Variants in MMP28 observed in about 807,000 individuals in gnomAD.
MMP28 encodes matrix metalloproteinase-28.
In MMP28, 55 loss-of-function variants were observed where a neutral mutation model predicts 60.5. The observed-to-expected ratio is 0.91, with a 90% CI of 0.73 to 1.14. The LOEUF (loss-of-function observed/expected upper bound fraction) is 1.14. Among genes scored for constraint, MMP28 ranks in the 50% most tolerant of loss-of-function variants. The pLI is 0.00. For synonymous variants in MMP28, 318 were observed against 312.5 expected (o/e 1.02, Z -0.18); for missense variants, 686 against 738.3 (o/e 0.93, Z 0.82).
chr17:35,760,013 C>CAAGGCCCCAG, intron 2 of MMP28, among the ~76,000 whole-genome samples: 1 of 152,280 alleles, frequency 6.6e-6, no homozygotes, highest in East Asian at 1.9e-4. Flanking sequence ...CTTGTGACTA[C>CAAGGCCCCAG]GAGATTCCTG....
intron 1 of MMP28, among the ~76,000 whole-genome samples, chr17:35,791,291 C>G (rs1410250935): frequency 6.6e-6 from 1 of 151,866 alleles, no homozygotes; most frequent in African/African-American, 2.4e-5. Flanking sequence ...AATCCCAGCA[C>G]TTTGGAAGGC....
chr17:35,782,082 C>T (rs533177527), intron 1 of MMP28, among the ~76,000 whole-genome samples: 1 of 145,132 alleles, frequency 6.9e-6, no homozygotes, highest in African/African-American at 2.6e-5. Flanking sequence ...GACAGAGTCT[C>T]GCTCTGTCGC....
chr17:35,770,219 T>A lies in MMP28; in HGVS notation c.698A>T (p.Asn233Ile). Residue 233 changes from asparagine to isoleucine, a missense_variant, in exon 5 of 8, where the codon AAC (asparagine) becomes ATC (isoleucine). Coordinates refer to ENST00000605424, the MANE Select transcript of MMP28 (RefSeq NM_024302.5). The stretch of plus-strand genomic sequence containing the variant: ...CTCGTGCGCCAGCACCACGAACAGG[T>A]TGCGCCCGCGGCGGCGGCTCAGGGA... ...RWSLSRRRGR[N>I]LFVVLAHEIG... The A allele has an allele frequency of 1.9e-6, 3 of 1,599,192 alleles. No homozygotes were observed. The highest frequency in any genetic ancestry group is 2.5e-6 in the Non-Finnish European group (3 of 1,177,244).
intron 3 of MMP28, among the ~76,000 whole-genome samples, chr17:35,773,966 C>T (rs2086248791): frequency 6.6e-6 from 1 of 152,216 alleles, no homozygotes. Context: ...CTATGGCCAG[C>T]CAACAACCAC....
chr17:35,759,504 A>T (rs367708795), intron 2 of MMP28, among the ~76,000 whole-genome samples: 75 of 152,336 alleles, frequency 4.9e-4, no homozygotes, highest in African/African-American at 1.5e-3. Context: ...GATCGAGACC[A>T]TCCTGGCTAA....
Position 35,773,183 on chromosome 17 carries a change from G to A in MMP28, c.601C>T (p.Pro201Ser). ...NDGLGNAFDG[P>S]GGALAHAFLP... ...GAGGGAGGCTTTGTGCCAGCACCTG[G>A]GCCATCAAAGGCATTGCCCAGCCCA... is the stretch of plus-strand genomic sequence containing the variant. Residue 201 changes from proline (P) to serine (S), a missense_variant, in exon 4 of 8, where the codon CCA becomes TCA. Pro to Ser is a moderately conservative substitution (Grantham distance 74, BLOSUM62 -1). Transcript: ENST00000605424. 6.2e-7 allele frequency: 1 copy of A among 1,613,234 alleles called. No individual in the cohort carries two copies. The highest frequency in any genetic ancestry group is 8.5e-7 in the Non-Finnish European group (1 of 1,179,392).
intron 3 of MMP28, chr17:35,778,401 A>T (rs1469143583): frequency 1.2e-5 from 2 of 170,016 alleles, no homozygotes; most frequent in African/African-American, 4.8e-5. Flanking sequence ...AATTCCGCAA[A>T]TATCCTAAAA....
At chr17:35,794,445 C>T (rs2086906057) in intron 1 of MMP28, among the ~76,000 whole-genome samples, 1 of 151,856 alleles carries the variant, frequency 6.6e-6, no homozygotes, top group Non-Finnish European at 1.5e-5. Context: ...GGGGTTTCAC[C>T]ATTTTAGGCA....
downstream of MMP28, chr17:35,764,685 CTCTT>C: frequency 6.8e-7 from 1 of 1,471,314 alleles, no homozygotes; most frequent in Non-Finnish European, 9.0e-7. Flanking sequence ...CCGACCTTCT[CTCTT>C]GGAGCGCGGA....
chr17:35,766,135 T>C lies in MMP28; in HGVS notation c.*365A>G. ...CTTGCAAAATGGTCTCGAATTTCTC[T>C]GCTGAGTTTTTCATCCCCCTGCTTG... On this transcript the variant is annotated 3_prime_UTR_variant, in exon 8 of 8. Coordinates refer to ENST00000605424, the MANE Select transcript of MMP28 (RefSeq NM_024302.5). This position sits in a 1 kb window ranked among gnomAD's most constrained non-coding sequence, Gnocchi z 4.3. The C allele has an allele frequency of 1.9e-6, 2 of 1,035,426 alleles. No homozygotes were observed. Among genetic ancestry groups the C allele is most frequent in the Non-Finnish European group, 2.3e-6 (2 of 862,500 alleles). The allele number at this position is 1,035,426 out of a possible 1,614,324, so 64.1% of individuals were successfully genotyped here. A position where few individuals can be genotyped will look rare whatever the true frequency, so the allele number is the denominator to read the frequency against.
chr17:35,792,382 T>C (rs537635199), intron 1 of MMP28, among the ~76,000 whole-genome samples: 26 of 152,096 alleles, frequency 1.7e-4, no homozygotes, highest in Non-Finnish European at 2.5e-4. Flanking sequence ...GGACAGACCA[T>C]GTGGATAGGT....
At chr17:35,788,399 T>C (rs1378668463) in intron 1 of MMP28, among the ~76,000 whole-genome samples, 1 of 152,182 alleles carries the variant, frequency 6.6e-6, no homozygotes, top group Non-Finnish European at 1.5e-5. Context: ...TAGGGAGATA[T>C]TGTCCAACCA....
At chr17:35,764,375 C>A (rs781865674), downstream of MMP28, 13 of 1,459,326 alleles carry the variant, frequency 8.9e-6, no homozygotes, top group East Asian at 3.5e-4. Context: ...TGCCCGGGCC[C>A]CAGGGAGGAG....
chr17:35,785,385 T>C (rs139241865), intron 1 of MMP28, among the ~76,000 whole-genome samples: 40 of 152,264 alleles, frequency 2.6e-4, no homozygotes, highest in Middle Eastern at 3.4e-3. Context: ...CTAACTTGTA[T>C]GTCCTTAGGT....
rs148325236 is a variant in MMP28, at chr17:35,766,003, C to A, written c.*497G>T. 2.3e-5 allele frequency: 23 copies of A among 985,446 alleles called. No homozygotes were observed. In the East Asian group the frequency reaches 2.5e-3, roughly 107 times the overall value. 61.0% of individuals were successfully genotyped at this position (985,446 alleles called of 1,614,324 possible). A position where few individuals can be genotyped will look rare whatever the true frequency, so the allele number is the denominator to read the frequency against. ...CAAAGGGCCTCTGAGGTTGGAGACG[C>A]CTGTGCCTTCATCCCCATCCATGCT... On this transcript the variant is annotated 3_prime_UTR_variant, in exon 8 of 8. Transcript: ENST00000605424. This position sits in a 1 kb window ranked among gnomAD's most constrained non-coding sequence, Gnocchi z 4.3.
chr17:35,782,084 C>CT (rs1230784141), intron 1 of MMP28, among the ~76,000 whole-genome samples: 1 of 148,196 alleles, frequency 6.7e-6, no homozygotes, highest in African/African-American at 2.5e-5. Flanking sequence ...CAGAGTCTCG[C>CT]TCTGTCGCCC....
chr17:35,786,057 T>TG (rs1468006073), intron 1 of MMP28, among the ~76,000 whole-genome samples: 4 of 131,232 alleles, frequency 3.0e-5, no homozygotes, highest in African/African-American at 9.0e-5. Context: ...CACCTTCTTG[T>TG]TTTTTTTTTT....
At chr17:35,781,279 G>A (rs2086493355) in intron 1 of MMP28, among the ~76,000 whole-genome samples, 1 of 152,212 alleles carries the variant, frequency 6.6e-6, no homozygotes, top group Non-Finnish European at 1.5e-5. Flanking sequence ...TGGCTTGGAA[G>A]GTGATGCTAT....
At chr17:35,770,707 A>T (rs1259989747) in intron 4 of MMP28, among the ~76,000 whole-genome samples, 1 of 146,716 alleles carries the variant, frequency 6.8e-6, no homozygotes, top group Non-Finnish European at 1.5e-5. Context: ...GTTGTTCTGA[A>T]TAATAAATGT....
Sources: gnomAD v4.1 joint callset for allele counts (sites outside exome capture counted in the v4.1 genomes callset) on GRCh38, gnomAD v4.1.1 for gene constraint, Gnocchi (gnomAD v3.1) non-coding constraint, MANE v1.5 for transcripts, NCBI Gene and HGNC (gene_info 2026-07-23, HGNC 2026-07-21) for gene names.